ARHGAP15: variants seen among roughly 807,000 people sequenced by gnomAD.
ARHGAP15 encodes the protein rho GTPase-activating protein 15.
Under a neutral mutation model 63.7 loss-of-function variants are expected in ARHGAP15, and 51 were observed. That is an observed-to-expected ratio of 0.80 (90% CI 0.64 to 1.01). The LOEUF is 1.01. Among genes scored for constraint, ARHGAP15 ranks in the 50% least tolerant of loss-of-function variants. The pLI, the probability that ARHGAP15 is intolerant of heterozygous loss-of-function variation, is 0.00. For synonymous variants in ARHGAP15, 191 were observed against 193.8 expected (o/e 0.99, Z 0.12); for missense variants, 560 against 564.6 (o/e 0.99, Z 0.08).
chr2:143,405,146 A>G lies in ARHGAP15; in HGVS notation c.475-30455A>G, dbSNP rs114190552. Among the ~76,000 whole-genome samples, 199 of 152,094 alleles carry G rather than the reference A, an allele frequency of 1.3e-3. 1 individual carries two copies. Among genetic ancestry groups the G allele is most frequent in the African/African-American group, 4.6e-3 (192 of 41,550 alleles). The stretch of plus-strand genomic sequence containing the variant: ...TGTAATGCAAATAAATCTTTTTATC[A>G]AATTCTATATCAATTTAATGTGTGA... On this transcript the variant is annotated intron_variant, in intron 6 of 13. Transcript: ENST00000295095.
intron 13 of ARHGAP15, among the ~76,000 whole-genome samples, chr2:143,755,530 G>C (rs1024341335): frequency 1.3e-5 from 2 of 152,024 alleles, no homozygotes; most frequent in African/African-American, 2.4e-5. Flanking sequence ...ATGGCTTTTT[G>C]CATTGAGTCA....
chr2:143,361,822 A>G (rs574012117), intron 6 of ARHGAP15, among the ~76,000 whole-genome samples: 3 of 152,328 alleles, frequency 2.0e-5, no homozygotes, highest in African/African-American at 7.2e-5. Context: ...GCTGGCTGCC[A>G]GAGAGATTAT....
At chr2:143,439,244 G>GA (rs1251534298) in intron 8 of ARHGAP15, among the ~76,000 whole-genome samples, 1 of 151,532 alleles carries the variant, frequency 6.6e-6, no homozygotes, top group Non-Finnish European at 1.5e-5. Context: ...CCAACATGGT[G>GA]AAACCCTGTC....
At position 143,667,968 on chromosome 2, in the gene ARHGAP15, A is replaced by G. The variant is rs563427026; in HGVS notation, c.1139-35451A>G. ...GCACCACTGCACTCCAGCCTGGGTG[A>G]CAGAGCAAGACCCTGTCTCAAAAAA... On this transcript the variant is annotated intron_variant, in intron 12 of 13. Transcript: ENST00000295095. Among the ~76,000 whole-genome samples the G allele has an allele frequency of 7.2e-5, 11 of 152,242 alleles. No homozygotes were observed. The East Asian group carries it at 2.1e-3, about 29-fold the overall frequency.
chr2:143,717,417 C>T (rs940502443), intron 13 of ARHGAP15, among the ~76,000 whole-genome samples: 1 of 152,228 alleles, frequency 6.6e-6, no homozygotes, highest in African/African-American at 2.4e-5. Context: ...TTTCTCCCCA[C>T]TGCCCATAGG....
intron 8 of ARHGAP15, among the ~76,000 whole-genome samples, chr2:143,466,237 G>A (rs941562991): frequency 6.6e-5 from 10 of 151,788 alleles, no homozygotes; most frequent in African/African-American, 2.4e-4. Context: ...AAATTATTTG[G>A]GCCAAACAAT....
chr2:143,365,957 G>C (rs1011387665), intron 6 of ARHGAP15, among the ~76,000 whole-genome samples: 1 of 152,086 alleles, frequency 6.6e-6, no homozygotes, highest in Non-Finnish European at 1.5e-5. Flanking sequence ...ATTTCCAGCT[G>C]TCTAATTTTT....
intron 10 of ARHGAP15, among the ~76,000 whole-genome samples, chr2:143,531,116 A>ATGTGTGCGCGTGCG (rs1553497412): frequency 3.6e-5 from 1 of 27,442 alleles, no homozygotes; most frequent in African/African-American, 1.5e-4. Context: ...CTGTGTGTGT[A>ATGTGTGCGCGTGCG]TGTGTGTGCG....
intron 6 of ARHGAP15, among the ~76,000 whole-genome samples, chr2:143,379,881 A>G (rs1351646142): frequency 2.0e-5 from 3 of 152,070 alleles, no homozygotes; most frequent in African/African-American, 7.2e-5. Context: ...CATTAAACAA[A>G]TATTTTATTG....
chr2:143,211,255 G>T (rs1046456134), intron 3 of ARHGAP15, among the ~76,000 whole-genome samples: 1 of 147,350 alleles, frequency 6.8e-6, no homozygotes, highest in Non-Finnish European at 1.5e-5. Context: ...TAAAAACAAA[G>T]GCAAAATAAA....
chr2:143,666,743 T>A (rs1237671466), intron 12 of ARHGAP15, among the ~76,000 whole-genome samples: 5 of 136,130 alleles, frequency 3.7e-5, no homozygotes, highest in Non-Finnish European at 6.3e-5. Context: ...AACAACCCCA[T>A]CAGAAAGTGG....
intron 6 of ARHGAP15, among the ~76,000 whole-genome samples, chr2:143,308,202 A>T (rs755752369): frequency 6.6e-6 from 1 of 152,174 alleles, no homozygotes; most frequent in Non-Finnish European, 1.5e-5. Flanking sequence ...CAATAAAAAT[A>T]GAATACCATA....
chr2:143,201,101 CT>C (rs890058828), intron 2 of ARHGAP15, among the ~76,000 whole-genome samples: 3 of 150,876 alleles, frequency 2.0e-5, no homozygotes, highest in South Asian at 2.1e-4. Flanking sequence ...ATCGGGAGTT[CT>C]TTTTTTTTAA....
At chr2:143,143,749 G>A (rs1689470267) in intron 1 of ARHGAP15, among the ~76,000 whole-genome samples, 1 of 151,738 alleles carries the variant, frequency 6.6e-6, no homozygotes, top group South Asian at 2.1e-4. Flanking sequence ...AATTGGATGG[G>A]CATTCCCATA....
chr2:143,587,723 T>C (rs1697163387), intron 11 of ARHGAP15: 1 of 470,798 alleles, frequency 2.1e-6, no homozygotes, highest in African/African-American at 2.0e-5. Context: ...CAGAACTGGA[T>C]GGAGACCTGT....
chr2:143,630,574 T>A (rs1160076113), intron 12 of ARHGAP15, among the ~76,000 whole-genome samples: 1 of 152,098 alleles, frequency 6.6e-6, no homozygotes, highest in African/African-American at 2.4e-5. Context: ...TACTTTTGAT[T>A]TATCAACTAT....
intron 13 of ARHGAP15, among the ~76,000 whole-genome samples, chr2:143,718,098 T>G (rs1029150515): frequency 6.6e-6 from 1 of 151,040 alleles, no homozygotes; most frequent in African/African-American, 2.4e-5. Context: ...GTCGTTGGGG[T>G]TTTTTTTTCT....
At chr2:143,243,215 A>G (rs554354650) in intron 5 of ARHGAP15, among the ~76,000 whole-genome samples, 3 of 152,324 alleles carry the variant, frequency 2.0e-5, no homozygotes, top group African/African-American at 7.2e-5. Flanking sequence ...GAAAAATGGG[A>G]AACTTAATCC....
chr2:143,294,500 C>A (rs1380648354), intron 6 of ARHGAP15, among the ~76,000 whole-genome samples: 1 of 152,038 alleles, frequency 6.6e-6, no homozygotes, highest in East Asian at 1.9e-4. Context: ...AGCCATTAAA[C>A]CAGGAACCCT....
Sources: gnomAD v4.1 joint callset for allele counts (sites outside exome capture counted in the v4.1 genomes callset) on GRCh38, gnomAD v4.1.1 for gene constraint, MANE v1.5 for transcripts, NCBI Gene and HGNC (gene_info 2026-07-23, HGNC 2026-07-21) for gene names.